The following GPC6 variants were observed in gnomAD, a reference collection of about 807,000 sequenced individuals.
The protein encoded by GPC6 is glypican 6.
A neutral mutation model predicts 55.2 loss-of-function variants in GPC6; 14 were observed. The ratio of observed to expected loss-of-function variants is 0.25; its 90% CI spans 0.17 to 0.40. The LOEUF (loss-of-function observed/expected upper bound fraction) is 0.40. Ranked by LOEUF, GPC6 falls within the 10% of genes least tolerant of loss-of-function variation. GPC6 has a pLI of 1.00. For missense variants in GPC6, 641 were observed against 708.5 expected, an observed-to-expected ratio of 0.90 and a Z score of 1.08; for synonymous variants, 278 against 259.6, an observed-to-expected ratio of 1.07 and a Z score of -0.68.
At chr13:94,130,179 TA>T (rs1214011838) in intron 4 of GPC6, among the ~76,000 whole-genome samples, 1 of 152,142 alleles carries the variant, frequency 6.6e-6, no homozygotes, top group South Asian at 2.1e-4. Context: ...ATTTAAAGTT[TA>T]TTTTTTTCTT....
chr13:94,085,321 C>CAGAAAAA (rs1885240563), intron 4 of GPC6, among the ~76,000 whole-genome samples: 1 of 87,050 alleles, frequency 1.1e-5, no homozygotes, highest in Admixed American at 1.5e-4. Context: ...GATTCTGTCT[C>CAGAAAAA]AAAAAAAAAA....
intron 3 of GPC6, among the ~76,000 whole-genome samples, chr13:93,896,349 A>G (rs1285062787): frequency 1.3e-5 from 2 of 152,076 alleles, no homozygotes; most frequent in African/African-American, 4.8e-5. Context: ...AAGTCCTTAT[A>G]GAAATAATCC....
At chr13:93,575,916 T>G (rs1876642507) in intron 2 of GPC6, among the ~76,000 whole-genome samples, 1 of 152,196 alleles carries the variant, frequency 6.6e-6, no homozygotes, top group Admixed American at 6.5e-5. Context: ...TTTTTCTTCT[T>G]TTTTTCAACC....
intron 2 of GPC6, among the ~76,000 whole-genome samples, chr13:93,667,135 A>T (rs1346337683): frequency 6.6e-6 from 1 of 152,188 alleles, no homozygotes; most frequent in Non-Finnish European, 1.5e-5. Flanking sequence ...CAAAATACAG[A>T]TCTATTTTGG....
At chr13:94,002,729 A>G (rs1881860108) in intron 3 of GPC6, among the ~76,000 whole-genome samples, 1 of 152,200 alleles carries the variant, frequency 6.6e-6, no homozygotes, top group Non-Finnish European at 1.5e-5. Flanking sequence ...GTAAAATCTT[A>G]AAATTTTAGC....
intron 4 of GPC6, among the ~76,000 whole-genome samples, chr13:94,266,988 T>C (rs1891837687): frequency 1.3e-5 from 2 of 152,260 alleles, no homozygotes; most frequent in Admixed American, 1.3e-4. Context: ...CCAAAGGTGC[T>C]ATTATGAGCA....
At chr13:93,471,582 A>G (rs1879119025) in intron 1 of GPC6, among the ~76,000 whole-genome samples, 1 of 151,984 alleles carries the variant, frequency 6.6e-6, no homozygotes, top group African/African-American at 2.4e-5. Context: ...CTGTCACTAT[A>G]TTTTCATTGA....
chr13:93,276,491 A>T (rs867794884), intron 1 of GPC6, among the ~76,000 whole-genome samples: 4,214 of 128,162 alleles, frequency 0.033, 108 homozygotes, highest in African/African-American at 0.084. Context: ...AGAGAGAGAG[A>T]GAGAGTGTGT....
At position 93,634,319 on chromosome 13, in the gene GPC6, G is replaced by T. The variant is rs543269116; in HGVS notation, c.319+88898G>T. 2.0e-5 allele frequency among the ~76,000 whole-genome samples: 3 copies of T among 152,250 alleles called. No homozygotes were observed. In the East Asian group the frequency reaches 5.8e-4, roughly 29 times the overall value. ...CGCCTTATGCATTCGACCACCTCCT[G>T]CCTGTCCTCAACTGAAGACCTAGTC... On this transcript the variant is annotated intron_variant, in intron 2 of 8. Coordinates refer to ENST00000377047, the MANE Select transcript of GPC6 (RefSeq NM_005708.5).
chr13:93,655,248 C>A (rs961829617), intron 2 of GPC6, among the ~76,000 whole-genome samples: 8 of 152,154 alleles, frequency 5.3e-5, no homozygotes, highest in African/African-American at 1.9e-4. Context: ...GATATATGAA[C>A]ACAAATGCTT....
Position 93,724,755 on chromosome 13 carries a change from C to G in GPC6, c.320-105399C>G, listed in dbSNP as rs893221015. 5.9e-5 allele frequency among the ~76,000 whole-genome samples: 9 copies of G among 151,888 alleles called. No individual in the cohort carries two copies. In the South Asian group the frequency reaches 1.9e-3, roughly 32 times the overall value. On this transcript the variant is annotated intron_variant, in intron 2 of 8. Transcript: ENST00000377047. ...GGATCACTTACTGAGATTTATTTAC[C>G]TAAAATTGTGCATCCTTGGCATATC...
intron 3 of GPC6, among the ~76,000 whole-genome samples, chr13:93,887,134 C>T (rs1369909761): frequency 6.6e-6 from 1 of 151,804 alleles, no homozygotes; most frequent in Non-Finnish European, 1.5e-5. Flanking sequence ...ATGATGAACA[C>T]AACAAAGATA....
chr13:94,119,012 G>C (rs1409605907), intron 4 of GPC6, among the ~76,000 whole-genome samples: 1 of 151,868 alleles, frequency 6.6e-6, no homozygotes, highest in Non-Finnish European at 1.5e-5. Context: ...GTGTGTGTGT[G>C]TGTGTGTGTG....
In GPC6 at chr13:93,473,465, G is replaced by A. The variant is rs991704535; in HGVS notation, c.161-71798G>A. 4.6e-5 allele frequency among the ~76,000 whole-genome samples: 7 copies of A among 152,220 alleles called. No homozygotes were observed. In the South Asian group the frequency reaches 1.4e-3, roughly 31 times the overall value. On this transcript the variant is annotated intron_variant, in intron 1 of 8. Coordinates refer to ENST00000377047, the MANE Select transcript of GPC6 (RefSeq NM_005708.5). The stretch of plus-strand genomic sequence containing the variant: ...ACTGGGAATGGGGAAAGGCCAGGAA[G>A]TGAGAGCAGTCACCACCAAGCCTGT...
At chr13:93,620,024 A>G (rs1878882486) in intron 2 of GPC6, among the ~76,000 whole-genome samples, 1 of 152,146 alleles carries the variant, frequency 6.6e-6, no homozygotes, top group South Asian at 2.1e-4. Flanking sequence ...TTTCACACTT[A>G]AAGATTTCCT....
At chr13:93,339,793 G>A (rs371034961) in intron 1 of GPC6, among the ~76,000 whole-genome samples, 1 of 152,088 alleles carries the variant, frequency 6.6e-6, no homozygotes. Flanking sequence ...TGAAATACAG[G>A]CTTACATCAA....
intron 4 of GPC6, among the ~76,000 whole-genome samples, chr13:94,085,589 A>T (rs1249597438): frequency 6.6e-6 from 1 of 152,054 alleles, no homozygotes; most frequent in Non-Finnish European, 1.5e-5. Context: ...CATTTTTATG[A>T]CCTTATTTTT....
At chr13:94,391,787 A>C (rs968955203) in intron 7 of GPC6, among the ~76,000 whole-genome samples, 1 of 152,146 alleles carries the variant, frequency 6.6e-6, no homozygotes, top group African/African-American at 2.4e-5. Flanking sequence ...TACCCATTAA[A>C]CATAAATTCC....
At chr13:94,283,493 G>A (rs145620901) in intron 4 of GPC6, among the ~76,000 whole-genome samples, 170 of 152,332 alleles carry the variant, frequency 1.1e-3, no homozygotes, top group Middle Eastern at 3.4e-3. Context: ...GCCCAGAGGC[G>A]TGGCTTTACC....
Sources: allele counts gnomAD v4.1 joint callset (sites outside exome capture counted in the v4.1 genomes callset), GRCh38; gene constraint gnomAD v4.1.1; transcripts MANE v1.5; gene names NCBI Gene and HGNC (gene_info 2026-07-23, HGNC 2026-07-21).